POU2F1: variants seen among roughly 807,000 people sequenced by gnomAD.
POU2F1 encodes POU class 2 homeobox 1.
Under a neutral mutation model 84.9 loss-of-function variants are expected in POU2F1, and 16 were observed. That is an observed-to-expected ratio of 0.19 (90% CI 0.13 to 0.29). The LOEUF is 0.29. Among genes scored for constraint, POU2F1 ranks in the 10% least tolerant of loss-of-function variants. The pLI, the probability that POU2F1 is intolerant of heterozygous loss-of-function variation, is 1.00. For missense variants in POU2F1, 738 were observed against 942.6 expected, an observed-to-expected ratio of 0.78 and a Z score of 2.84; for synonymous variants, 368 against 368.3, an observed-to-expected ratio of 1.00 and a Z score of 0.01.
chr1:167,245,797 TC>T (rs1360874324), intron 1 of POU2F1, among the ~76,000 whole-genome samples: 2 of 152,204 alleles, frequency 1.3e-5, no homozygotes, highest in Non-Finnish European at 2.9e-5. Context: ...GCTTAAGCAG[TC>T]CTCTTGCTTT....
At chr1:167,324,044 A>G (rs1345207110) in intron 1 of POU2F1, among the ~76,000 whole-genome samples, 1 of 152,180 alleles carries the variant, frequency 6.6e-6, no homozygotes, top group Non-Finnish European at 1.5e-5. Flanking sequence ...ATAGAAAAAG[A>G]AAGATGATGT....
chr1:167,406,653 T>A (rs992383129), intron 13 of POU2F1, among the ~76,000 whole-genome samples: 5 of 152,176 alleles, frequency 3.3e-5, no homozygotes, highest in Admixed American at 2.0e-4. Flanking sequence ...GACTAATCAA[T>A]AAATTCAGTA....
intron 10 of POU2F1, chr1:167,396,686 AACACAC>A (rs34119749): frequency 4.9e-5 from 16 of 325,286 alleles, no homozygotes; most frequent in Admixed American, 8.9e-5. Context: ...CAGGATTAGG[AACACAC>A]ACACACACAC....
chr1:167,347,893 C>T lies in POU2F1; in HGVS notation c.127+15358C>T, dbSNP rs370972866. 2.6e-5 allele frequency among the ~76,000 whole-genome samples: 4 copies of T among 152,188 alleles called. 1 individual carries two copies. The South Asian group carries it at 8.3e-4, about 32-fold the overall frequency. ...ATTCCTTTTATGGCTGAATGGTATT[C>T]CATTATATGGATATACCACAATTTG... On this transcript the variant is annotated intron_variant, in intron 2 of 15. Coordinates refer to ENST00000367866, the MANE Select transcript of POU2F1 (RefSeq NM_002697.4).
intron 1 of POU2F1, among the ~76,000 whole-genome samples, chr1:167,281,759 G>T (rs1461139260): frequency 6.6e-6 from 1 of 152,052 alleles, no homozygotes; most frequent in African/African-American, 2.4e-5. Context: ...ACGTAATGAG[G>T]CAGCTTTAGG....
At chr1:167,377,256 C>A (rs1461957958) in intron 7 of POU2F1, among the ~76,000 whole-genome samples, 1 of 152,160 alleles carries the variant, frequency 6.6e-6, no homozygotes, top group Non-Finnish European at 1.5e-5. Context: ...GACCTTAAAT[C>A]CTATAGCTTA....
At chr1:167,241,173 GA>G (rs1649874076) in intron 1 of POU2F1, among the ~76,000 whole-genome samples, 2 of 152,036 alleles carry the variant, frequency 1.3e-5, no homozygotes. Flanking sequence ...TAAATAGTCT[GA>G]AAAAGTTCTC....
rs188564637 is a variant in POU2F1, at chr1:167,254,205, A to G, written c.61+33247A>G. On this transcript the variant is annotated intron_variant, in intron 1 of 15. Coordinates refer to ENST00000367866, the MANE Select transcript of POU2F1 (RefSeq NM_002697.4). ...TCGGTTTCTTTTAAAAAATCTTTGTAAAATAATAATATTAGTCTGACTTAA... is the reference window on the plus strand; with the variant it reads ...TCGGTTTCTTTTAAAAAATCTTTGTGAAATAATAATATTAGTCTGACTTAA... Among the ~76,000 whole-genome samples, 489 of 152,356 alleles carry G rather than the reference A, an allele frequency of 3.2e-3. 1 individual carries two copies. Among genetic ancestry groups the G allele is most frequent in the Non-Finnish European group, 6.0e-3 (409 of 68,036 alleles).
intron 1 of POU2F1, among the ~76,000 whole-genome samples, chr1:167,247,154 C>T (rs932255115): frequency 3.3e-5 from 5 of 152,058 alleles, no homozygotes; most frequent in African/African-American, 1.2e-4. Context: ...GGGCTCACTG[C>T]ACTCTCAACC....
At chr1:167,252,148 C>A (rs971655996) in intron 1 of POU2F1, among the ~76,000 whole-genome samples, 1 of 152,102 alleles carries the variant, frequency 6.6e-6, no homozygotes. Context: ...AGGTGTGAGC[C>A]ACCGCTGCAA....
chr1:167,237,734 A>G (rs1003336036), intron 1 of POU2F1, among the ~76,000 whole-genome samples: 1 of 104,022 alleles, frequency 9.6e-6, no homozygotes, highest in Non-Finnish European at 2.0e-5. Context: ...TTAAATCCAT[A>G]TATGTGTGTG....
At chr1:167,315,979 C>T (rs186260694) in intron 1 of POU2F1, among the ~76,000 whole-genome samples, 6 of 152,256 alleles carry the variant, frequency 3.9e-5, no homozygotes, top group South Asian at 4.1e-4. Context: ...CAAATGGTCA[C>T]GTTACTGTAT....
intron 2 of POU2F1, among the ~76,000 whole-genome samples, chr1:167,353,960 T>C (rs1658765164): frequency 6.6e-6 from 1 of 152,228 alleles, no homozygotes; most frequent in Non-Finnish European, 1.5e-5. Context: ...TCCATCTACA[T>C]ATTTATCCTC....
At chr1:167,299,883 A>G (rs1211609608) in intron 1 of POU2F1, among the ~76,000 whole-genome samples, 2 of 152,144 alleles carry the variant, frequency 1.3e-5, no homozygotes, top group Non-Finnish European at 2.9e-5. Context: ...GTTCTGATAC[A>G]GTAGGTGTGA....
intron 1 of POU2F1, among the ~76,000 whole-genome samples, chr1:167,236,029 T>C (rs1178105684): frequency 1.3e-5 from 2 of 152,240 alleles, no homozygotes; most frequent in African/African-American, 4.8e-5. Context: ...CACTGTTAAC[T>C]ATTAGTCTTT....
intron 1 of POU2F1, among the ~76,000 whole-genome samples, chr1:167,237,270 G>A (rs1649536574): frequency 2.0e-5 from 3 of 152,132 alleles, no homozygotes; most frequent in Admixed American, 1.3e-4. Flanking sequence ...GAGTGTAAAC[G>A]CCTACCTAGA....
chr1:167,295,373 T>C (rs932032229), intron 1 of POU2F1, among the ~76,000 whole-genome samples: 6 of 152,216 alleles, frequency 3.9e-5, no homozygotes, highest in Non-Finnish European at 8.8e-5. Flanking sequence ...ATAATGTCTT[T>C]TGCAGCAACT....
intron 8 of POU2F1, among the ~76,000 whole-genome samples, chr1:167,386,734 G>A (rs1257300295): frequency 6.6e-6 from 1 of 152,170 alleles, no homozygotes; most frequent in African/African-American, 2.4e-5. Flanking sequence ...CATCTCCTGT[G>A]AATCTCAAAA....
At chr1:167,253,718 C>T (rs543116028) in intron 1 of POU2F1, among the ~76,000 whole-genome samples, 5 of 152,204 alleles carry the variant, frequency 3.3e-5, no homozygotes, top group East Asian at 3.9e-4. Context: ...TGAGCCACCA[C>T]GTCCAGCCAG....
Sources: allele counts gnomAD v4.1 joint callset (sites outside exome capture counted in the v4.1 genomes callset), GRCh38; gene constraint gnomAD v4.1.1; transcripts MANE v1.5; gene names NCBI Gene and HGNC (gene_info 2026-07-23, HGNC 2026-07-21).